The following SP3 variants were observed in gnomAD, a reference collection of about 807,000 sequenced individuals.
SP3 encodes transcription factor Sp3.
Under a neutral mutation model 70.3 loss-of-function variants are expected in SP3, and 10 were observed. That is an observed-to-expected ratio of 0.14 (90% confidence interval 0.09 to 0.24). The LOEUF (loss-of-function observed/expected upper bound fraction) is 0.24. Among genes scored for constraint, SP3 ranks in the 10% least tolerant of loss-of-function variants. The pLI is 1.00. For missense variants in SP3, 825 were observed against 914.6 expected, an observed-to-expected ratio of 0.90 and a Z score of 1.26; for synonymous variants, 402 against 333.5, an observed-to-expected ratio of 1.21 and a Z score of -2.24.
In SP3 at chr2:173,956,120, C is replaced by G; in HGVS notation, c.392G>C (p.Ser131Thr). ...ATACTGCCCACTTGAAGTAGCAGCA[C>G]TTGGAATCTGGACTAGATTACCAGC... ...DEAGNLVQIP[S>T]AATSSGQYVL... Residue 131 changes from serine to threonine, a missense_variant, in exon 4 of 7, where the codon AGT (serine) becomes ACT (threonine). Physicochemically the swap from Ser to Thr is moderately conservative, Grantham distance 58. Around this residue, in one of 4 missense-constraint regions of SP3, gnomAD observed 678 missense variants for 651.6 expected, o/e 1.04. Transcript: ENST00000310015. The G allele has an allele frequency of 6.2e-7, 1 of 1,614,200 alleles. No homozygotes were observed. The highest frequency in any genetic ancestry group is 1.3e-5 in the African/African-American group (1 of 75,050).
At position 173,905,828 on chromosome 2, in the gene SP3, A is replaced by G. The variant is rs527650192; in HGVS notation, c.*4113T>C. Among the ~76,000 whole-genome samples, 5 of 152,180 alleles carry G rather than the reference A, an allele frequency of 3.3e-5. No individual in the cohort carries two copies. Among genetic ancestry groups the G allele is most frequent in the Non-Finnish European group, 7.3e-5 (5 of 68,036 alleles). ...AGCCTAGGCAATATAGTGAGACCCC[A>G]TCTCTACAAAACAAATTAAAATTAA... On this transcript the variant is annotated 3_prime_UTR_variant, in exon 7 of 7. Transcript: ENST00000310015.
chr2:173,960,934 C>A (rs138820736), intron 3 of SP3, among the ~76,000 whole-genome samples: 26 of 152,056 alleles, frequency 1.7e-4, no homozygotes, highest in Non-Finnish European at 3.4e-4. Context: ...CGAGATCGCG[C>A]CACTGCACTC....
chr2:173,919,957 C>T (rs1290814605), intron 4 of SP3, among the ~76,000 whole-genome samples: 1 of 141,566 alleles, frequency 7.1e-6, no homozygotes, highest in Non-Finnish European at 1.5e-5. Context: ...ACTCACATAT[C>T]CCCTAGTATT....
intron 3 of SP3, chr2:173,963,286 G>C (rs528113285): frequency 1.3e-5 from 2 of 152,206 alleles, no homozygotes; most frequent in African/African-American, 4.8e-5. Context: ...GTAATTCAAA[G>C]AATAAACCCT....
At chr2:173,958,342 G>A (rs539047757) in intron 3 of SP3, among the ~76,000 whole-genome samples, 2 of 144,870 alleles carry the variant, frequency 1.4e-5, no homozygotes, top group East Asian at 4.0e-4. Flanking sequence ...TTCTAGTCAA[G>A]AAATTCCTTG....
Position 173,918,554 on chromosome 2 carries a change from G to A in SP3, c.1832+39C>T, listed in dbSNP as rs770591414. 5 of 1,563,540 alleles carry A rather than the reference G, an allele frequency of 3.2e-6. No individual in the cohort carries two copies. In the South Asian group the frequency reaches 4.7e-5, roughly 15 times the overall value. On this transcript the variant is annotated intron_variant, in intron 5 of 6. Transcript: ENST00000310015. ...TATTTCAAAAATCAGAATGATATTAGCACTCTTAAAAATATATATGTGTTT... is the reference window on the plus strand; with the variant it reads ...TATTTCAAAAATCAGAATGATATTAACACTCTTAAAAATATATATGTGTTT...
intron 4 of SP3, among the ~76,000 whole-genome samples, chr2:173,926,063 ATAAGGT>A (rs1364300742): frequency 6.6e-6 from 1 of 152,204 alleles, no homozygotes; most frequent in African/African-American, 2.4e-5. Flanking sequence ...CCTATTATGA[ATAAGGT>A]TAAGTATTCA....
intron 5 of SP3, chr2:173,915,576 T>C (rs1414017810): frequency 3.3e-5 from 5 of 152,128 alleles, no homozygotes. Flanking sequence ...AAACTGTGGG[T>C]AGAGGAGTTA....
chr2:173,923,975 C>A (rs1027289982), intron 4 of SP3, among the ~76,000 whole-genome samples: 1 of 151,682 alleles, frequency 6.6e-6, no homozygotes, highest in Admixed American at 6.6e-5. Context: ...GGGGATAGTT[C>A]TAAATTATAG....
intron 4 of SP3, among the ~76,000 whole-genome samples, chr2:173,946,072 A>G (rs1440275839): frequency 2.0e-5 from 3 of 152,140 alleles, no homozygotes; most frequent in Non-Finnish European, 4.4e-5. Context: ...GGGTGCACTG[A>G]GCCAAGATCA....
chr2:173,957,798 T>C (rs1017738787), intron 3 of SP3, among the ~76,000 whole-genome samples: 16 of 152,146 alleles, frequency 1.1e-4, no homozygotes, highest in African/African-American at 3.6e-4. Flanking sequence ...TGAGAAATTG[T>C]GGAACCCAAT....
chr2:173,961,502 G>C (rs1036729644), intron 3 of SP3, among the ~76,000 whole-genome samples: 1 of 152,160 alleles, frequency 6.6e-6, no homozygotes, highest in South Asian at 2.1e-4. Context: ...GGAAAAGCTG[G>C]TGAAACGCAA....
At chr2:173,954,180 G>A (rs1332450398) in intron 4 of SP3, among the ~76,000 whole-genome samples, 1 of 152,122 alleles carries the variant, frequency 6.6e-6, no homozygotes, top group Non-Finnish European at 1.5e-5. Context: ...CATTAATAGG[G>A]TAAAAATGAC....
chr2:173,920,003 G>C (rs1262002581), intron 4 of SP3, among the ~76,000 whole-genome samples: 1 of 152,064 alleles, frequency 6.6e-6, no homozygotes, highest in Non-Finnish European at 1.5e-5. Flanking sequence ...TTCATACAAT[G>C]GAACATGTTA....
At chr2:173,930,536 C>G (rs1690039259) in intron 4 of SP3, among the ~76,000 whole-genome samples, 1 of 152,206 alleles carries the variant, frequency 6.6e-6, no homozygotes, top group Non-Finnish European at 1.5e-5. Flanking sequence ...TCATCTCTTT[C>G]TTATAACACC....
chr2:173,910,411 A>G (rs1689446378), intron 6 of SP3, among the ~76,000 whole-genome samples, 154 bp from the exon 7 acceptor site: 1 of 152,176 alleles, frequency 6.6e-6, no homozygotes, highest in Non-Finnish European at 1.5e-5. Context: ...TACCCCTGCC[A>G]GATTTCTCTT....
At chr2:173,938,188 T>G (rs1690261799) in intron 4 of SP3, among the ~76,000 whole-genome samples, 1 of 152,118 alleles carries the variant, frequency 6.6e-6, no homozygotes, top group Non-Finnish European at 1.5e-5. Context: ...CTATCACATC[T>G]GAACAAAGTT....
At position 173,908,707 on chromosome 2, in the gene SP3, T is replaced by G. The variant is rs1204102098; in HGVS notation, c.*1234A>C. The G allele has an allele frequency of 6.6e-6, 1 of 152,430 alleles. No homozygotes were observed. Among genetic ancestry groups the G allele is most frequent in the Admixed American group, 6.6e-5 (1 of 15,264 alleles). 9.4% of individuals were successfully genotyped at this position (152,430 alleles called of 1,614,324 possible). On this transcript the variant is annotated 3_prime_UTR_variant, in exon 7 of 7. Coordinates refer to ENST00000310015, the MANE Select transcript of SP3 (RefSeq NM_003111.5). ...CAGGTATACATTTAGGAAAACTGTA[T>G]AGCTCTTACAAGACCAGCAATGTAA...
intron 3 of SP3, among the ~76,000 whole-genome samples, chr2:173,956,953 A>C (rs185806874): frequency 6.8e-4 from 103 of 152,312 alleles, no homozygotes; most frequent in South Asian, 1.4e-3. Flanking sequence ...ATTCTGGTGT[A>C]TTAATACAAT....
Sources: gnomAD v4.1 joint callset for allele counts (sites outside exome capture counted in the v4.1 genomes callset) on GRCh38, gnomAD v4.1.1 for gene constraint, gnomAD v4.1.1 regional missense constraint, MANE v1.5 for transcripts, NCBI Gene and HGNC (gene_info 2026-07-23, HGNC 2026-07-21) for gene names.